SLC35F1: variants seen among roughly 807,000 people sequenced by gnomAD.
SLC35F1 encodes the protein solute carrier family 35 member F1.
SLC35F1 carries 14 observed loss-of-function variants against 48.7 expected under a neutral mutation model. The ratio of observed to expected loss-of-function variants is 0.29; its 90% CI spans 0.19 to 0.45. SLC35F1 has a LOEUF of 0.45. Among genes scored for constraint, SLC35F1 ranks in the 20% least tolerant of loss-of-function variants. SLC35F1 has a pLI of 1.00. For missense variants in SLC35F1, 404 were observed against 500.0 expected (o/e 0.81, Z 1.83); for synonymous variants, 190 against 202.2 (o/e 0.94, Z 0.51).
At chr6:118,257,431 G>T (rs204272) in intron 3 of SLC35F1, among the ~76,000 whole-genome samples, 151,477 of 152,290 alleles carry the variant, frequency 0.99, 75,335 homozygotes, top group Middle Eastern at 1. Flanking sequence ...TAAGAAAGTT[G>T]AGGCTAAGTT....
At chr6:118,046,962 T>TG (rs1772310506) in intron 1 of SLC35F1, among the ~76,000 whole-genome samples, 1 of 151,922 alleles carries the variant, frequency 6.6e-6, no homozygotes, top group Admixed American at 6.6e-5. Context: ...TTTTGAGATA[T>TG]AAAAAAATCA....
At chr6:118,043,290 A>G (rs959771664) in intron 1 of SLC35F1, among the ~76,000 whole-genome samples, 1 of 152,166 alleles carries the variant, frequency 6.6e-6, no homozygotes, top group Non-Finnish European at 1.5e-5. Flanking sequence ...GCACCAATAG[A>G]ATATTAAGCT....
At chr6:118,241,446 T>G (rs572409038) in intron 3 of SLC35F1, among the ~76,000 whole-genome samples, 5 of 152,326 alleles carry the variant, frequency 3.3e-5, no homozygotes, top group Admixed American at 2.6e-4. Context: ...CTATAATCAT[T>G]GTAAAAATAT....
At chr6:118,089,322 C>A (rs183143209) in intron 1 of SLC35F1, among the ~76,000 whole-genome samples, 3 of 152,066 alleles carry the variant, frequency 2.0e-5, no homozygotes, top group African/African-American at 7.2e-5. Context: ...ATACTTGGAG[C>A]CCCATAGAGC....
chr6:118,220,990 A>G (rs1225823568), intron 2 of SLC35F1, among the ~76,000 whole-genome samples: 1 of 152,202 alleles, frequency 6.6e-6, no homozygotes, highest in Non-Finnish European at 1.5e-5. Flanking sequence ...AGAAGGCTTC[A>G]CTTGGGATGT....
chr6:118,076,323 T>C (rs1319486130), intron 1 of SLC35F1, among the ~76,000 whole-genome samples: 1 of 152,222 alleles, frequency 6.6e-6, no homozygotes, highest in African/African-American at 2.4e-5. Context: ...TAGCTAATTG[T>C]TTCCAACATT....
intron 1 of SLC35F1, among the ~76,000 whole-genome samples, chr6:118,139,940 G>A (rs570601534): frequency 3.9e-5 from 6 of 152,230 alleles, no homozygotes; most frequent in African/African-American, 9.6e-5. Context: ...AAAATTTTTC[G>A]AGTTATAGTG....
chr6:118,312,453 G>A (rs923177334), intron 7 of SLC35F1, among the ~76,000 whole-genome samples: 1 of 152,110 alleles, frequency 6.6e-6, no homozygotes, highest in African/African-American at 2.4e-5. Context: ...AAAGAATGAG[G>A]CACATTCATT....
chr6:118,154,700 T>C, intron 2 of SLC35F1, 80 bp downstream of exon 2: 1 of 1,367,010 alleles, frequency 7.3e-7, no homozygotes, highest in Non-Finnish European at 9.9e-7. Flanking sequence ...TAACGTTTTG[T>C]CACTTAAGCA....
At chr6:118,061,000 G>A (rs1344788914) in intron 1 of SLC35F1, among the ~76,000 whole-genome samples, 1 of 152,138 alleles carries the variant, frequency 6.6e-6, no homozygotes, top group African/African-American at 2.4e-5. Flanking sequence ...TTTCTCTCTA[G>A]TAAAATTTTT....
intron 2 of SLC35F1, among the ~76,000 whole-genome samples, chr6:118,170,957 T>G (rs1774394991): frequency 6.6e-6 from 1 of 152,212 alleles, no homozygotes; most frequent in South Asian, 2.1e-4. Flanking sequence ...TGCATATGCA[T>G]TTATATACAT....
chr6:117,966,131 G>GCCCCCT (rs1776561695), intron 1 of SLC35F1, among the ~76,000 whole-genome samples: 1 of 101,102 alleles, frequency 9.9e-6, no homozygotes, highest in Admixed American at 9.3e-5. Flanking sequence ...GCAGGCCACC[G>GCCCCCT]CCCCCCCCCC....
intron 1 of SLC35F1, among the ~76,000 whole-genome samples, chr6:118,100,273 T>C (rs953519796): frequency 6.6e-6 from 1 of 151,998 alleles, no homozygotes; most frequent in African/African-American, 2.4e-5. Context: ...AATAAAATGG[T>C]CCCTGAGTTT....
chr6:117,971,763 G>T (rs1014372145), intron 1 of SLC35F1, among the ~76,000 whole-genome samples: 7 of 152,212 alleles, frequency 4.6e-5, no homozygotes, highest in African/African-American at 1.7e-4. Context: ...TTTTAGCCCT[G>T]GCTAGAGCTA....
intron 2 of SLC35F1, among the ~76,000 whole-genome samples, chr6:118,230,611 G>A (rs1322774709): frequency 6.6e-6 from 1 of 152,138 alleles, no homozygotes; most frequent in Non-Finnish European, 1.5e-5. Context: ...ACACATGAAA[G>A]AAAGTCATAT....
intron 1 of SLC35F1, among the ~76,000 whole-genome samples, chr6:118,110,872 C>CT (rs1773389277): frequency 6.6e-6 from 1 of 152,110 alleles, no homozygotes; most frequent in African/African-American, 2.4e-5. Context: ...TCCCTTCCCC[C>CT]TTGTGGAAGG....
In SLC35F1 at chr6:118,316,041, A is replaced by C. The variant is rs1776433456; in HGVS notation, c.*1789A>C. On this transcript the variant is annotated 3_prime_UTR_variant, in exon 8 of 8. Coordinates refer to ENST00000360388, the MANE Select transcript of SLC35F1 (RefSeq NM_001029858.4). ...TCAAATCAACATGTGTTACATAAGC[A>C]AGCAAAGCAAAACACCAGTGGGGTC... 1 of 151,988 alleles carries C rather than the reference A, an allele frequency of 6.6e-6. No individual in the cohort carries two copies. Among genetic ancestry groups the C allele is most frequent in the Non-Finnish European group, 1.5e-5 (1 of 67,920 alleles). 9.4% of individuals were successfully genotyped at this position (151,988 alleles called of 1,614,324 possible). A position where few individuals can be genotyped will look rare whatever the true frequency, so the allele number is the denominator to read the frequency against.
Position 118,224,982 on chromosome 6 carries a change from T to G in SLC35F1, c.350-10527T>G, listed in dbSNP as rs182549734. 3.8e-3 allele frequency among the ~76,000 whole-genome samples: 579 copies of G among 152,266 alleles called. 1 individual carries two copies. The highest frequency in any genetic ancestry group is 7.0e-3 in the Non-Finnish European group (477 of 68,014). ...GTAAAAGTGAGCATCCTGAAAGAGC[T>G]ATACAAGGAAAAATATAAAATACTG... On this transcript the variant is annotated intron_variant, in intron 2 of 7. Coordinates refer to ENST00000360388, the MANE Select transcript of SLC35F1 (RefSeq NM_001029858.4).
chr6:118,303,721 C>T (rs544281884), intron 7 of SLC35F1, among the ~76,000 whole-genome samples: 2 of 152,330 alleles, frequency 1.3e-5, no homozygotes, highest in East Asian at 3.9e-4. Context: ...AGTTGTTACT[C>T]ATTATGCTTT....
Sources: gnomAD v4.1 joint callset for allele counts (sites outside exome capture counted in the v4.1 genomes callset) on GRCh38, gnomAD v4.1.1 for gene constraint, MANE v1.5 for transcripts, NCBI Gene and HGNC (gene_info 2026-07-23, HGNC 2026-07-21) for gene names.